Variants in CDH13 observed in about 807,000 individuals in gnomAD.
CDH13 encodes the protein cadherin 13.
CDH13 carries 24 observed loss-of-function variants against 63.8 expected under a neutral mutation model. The observed-to-expected ratio is 0.38, with a 90% CI of 0.27 to 0.53. CDH13 has a LOEUF of 0.53. Among genes scored for constraint, CDH13 ranks in the 20% least tolerant of loss-of-function variants. The probability of loss-of-function intolerance (pLI) is 0.85; values close to 1 mark genes in which losing one functional copy is unlikely to be tolerated. For synonymous variants in CDH13, 503 were observed against 355.3 expected (o/e 1.42, Z -4.67); for missense variants, 1,049 against 903.1 (o/e 1.16, Z -2.07).
intron 2 of CDH13, among the ~76,000 whole-genome samples, chr16:82,911,858 G>A (rs2041841941): frequency 6.6e-6 from 1 of 151,924 alleles, no homozygotes; most frequent in South Asian, 2.1e-4. Context: ...GTTTTGAGCT[G>A]AGGGCACCTG....
intron 5 of CDH13, among the ~76,000 whole-genome samples, chr16:83,236,139 C>G (rs74034441): frequency 0.014 from 2,056 of 152,078 alleles, 46 homozygotes; most frequent in African/African-American, 0.046. Flanking sequence ...AGTTTGTGGA[C>G]CTGAAAAGGA....
At chr16:83,470,269 C>T (rs2073421036) in intron 6 of CDH13, among the ~76,000 whole-genome samples, 1 of 152,132 alleles carries the variant, frequency 6.6e-6, no homozygotes, top group African/African-American at 2.4e-5. Context: ...GTTGCCCAGG[C>T]TAGTCTCGAA....
intron 6 of CDH13, among the ~76,000 whole-genome samples, chr16:83,444,404 C>T (rs2072602574): frequency 6.6e-6 from 1 of 152,166 alleles, no homozygotes; most frequent in Non-Finnish European, 1.5e-5. Flanking sequence ...GAAGTTTAAA[C>T]TCGGTAAGGA....
chr16:83,073,160 AG>A lies in CDH13; in HGVS notation c.366+40944del, dbSNP rs1335090215. ...CAACCTGAGAGACATGAAATTATCC[AG>A]GCAGGCTTGCGTGGCTAGTGATTGT... On this transcript the variant is annotated intron_variant, in intron 3 of 13. Coordinates refer to ENST00000567109, the MANE Select transcript of CDH13 (RefSeq NM_001257.5). Among the ~76,000 whole-genome samples the A allele has an allele frequency of 5.9e-5, 9 of 152,260 alleles. No individual in the cohort carries two copies. The East Asian group carries it at 1.5e-3, about 26-fold the overall frequency.
chr16:82,743,410 G>A (rs11646073), intron 1 of CDH13, among the ~76,000 whole-genome samples: 7,051 of 152,022 alleles, frequency 0.046, 252 homozygotes, highest in Non-Finnish European at 0.076. Flanking sequence ...GCATTTTTTT[G>A]TAGTGACAGG....
At chr16:82,961,161 C>T (rs1357566656) in intron 2 of CDH13, among the ~76,000 whole-genome samples, 2 of 152,310 alleles carry the variant, frequency 1.3e-5, no homozygotes, top group African/African-American at 4.8e-5. Flanking sequence ...TTCATCCCAG[C>T]TCACATTCCA....
At chr16:83,179,481 T>TAAA (rs565547312) in intron 4 of CDH13, among the ~76,000 whole-genome samples, 7 of 69,058 alleles carry the variant, frequency 1.0e-4, no homozygotes, top group Non-Finnish European at 1.7e-4. Flanking sequence ...CCGTCTCTAC[T>TAAA]AAAAAAAAAA....
intron 1 of CDH13, among the ~76,000 whole-genome samples, chr16:82,643,468 G>C (rs1909672846): frequency 6.6e-6 from 1 of 152,206 alleles, no homozygotes; most frequent in Non-Finnish European, 1.5e-5. Context: ...GGTAGTTTCA[G>C]GATTAAGACC....
intron 8 of CDH13, among the ~76,000 whole-genome samples, chr16:83,652,307 G>A (rs1411361577): frequency 6.6e-6 from 1 of 152,148 alleles, no homozygotes; most frequent in Non-Finnish European, 1.5e-5. Flanking sequence ...AAAGCAGAAG[G>A]TTTCTCTTGT....
At chr16:82,686,232 C>T (rs546341335) in intron 1 of CDH13, among the ~76,000 whole-genome samples, 5 of 152,310 alleles carry the variant, frequency 3.3e-5, no homozygotes, top group Admixed American at 2.6e-4. Context: ...GCAGAATACT[C>T]TTGAAAGTAA....
chr16:83,010,648 A>C (rs1914056019), intron 2 of CDH13, among the ~76,000 whole-genome samples: 1 of 152,164 alleles, frequency 6.6e-6, no homozygotes, highest in Non-Finnish European at 1.5e-5. Flanking sequence ...CTTGTGGGTG[A>C]ATCTGCTGCA....
chr16:83,309,420 G>A (rs967983677), intron 5 of CDH13, among the ~76,000 whole-genome samples: 3 of 151,992 alleles, frequency 2.0e-5, no homozygotes, highest in South Asian at 2.1e-4. Flanking sequence ...CTGTCACCCA[G>A]GCTGGAGTGC....
chr16:82,783,983 C>T (rs1050704117), intron 1 of CDH13, among the ~76,000 whole-genome samples: 4 of 152,094 alleles, frequency 2.6e-5, no homozygotes, highest in Non-Finnish European at 4.4e-5. Flanking sequence ...TTTCTTCTAC[C>T]TCCGCAGGCT....
intron 6 of CDH13, among the ~76,000 whole-genome samples, chr16:83,362,421 T>C (rs1355030637): frequency 6.6e-6 from 1 of 152,262 alleles, no homozygotes; most frequent in Non-Finnish European, 1.5e-5. Flanking sequence ...TAGACACCTT[T>C]TGTCTTTATC....
intron 1 of CDH13, among the ~76,000 whole-genome samples, chr16:82,787,825 G>C (rs1393201935): frequency 1.2e-4 from 1 of 8,012 alleles, no homozygotes; most frequent in Non-Finnish European, 4.8e-4. Flanking sequence ...CTGTATGGAG[G>C]GGGGTGAAGG....
intron 1 of CDH13, among the ~76,000 whole-genome samples, chr16:82,656,694 A>C (rs895077746): frequency 1.2e-4 from 18 of 152,150 alleles, no homozygotes; most frequent in Non-Finnish European, 2.9e-5. Context: ...TATCACACAG[A>C]ATAGTTGTAC....
intron 5 of CDH13, among the ~76,000 whole-genome samples, chr16:83,245,240 C>G (rs1183743635): frequency 6.6e-6 from 1 of 152,216 alleles, no homozygotes; most frequent in South Asian, 2.1e-4. Context: ...CCACCCCCCA[C>G]TGTACATCTT....
chr16:83,537,947 G>A (rs1409112214), intron 7 of CDH13, among the ~76,000 whole-genome samples: 1 of 152,100 alleles, frequency 6.6e-6, no homozygotes, highest in Admixed American at 6.5e-5. Context: ...GTCTAAATGG[G>A]GGAAGTCTGT....
At chr16:83,464,015 A>G (rs937806843) in intron 6 of CDH13, among the ~76,000 whole-genome samples, 2 of 152,158 alleles carry the variant, frequency 1.3e-5, no homozygotes, top group Non-Finnish European at 2.9e-5. Context: ...AGGGTGAGAA[A>G]GAAACATCAG....
Sources: allele counts gnomAD v4.1 joint callset (sites outside exome capture counted in the v4.1 genomes callset), GRCh38; gene constraint gnomAD v4.1.1; transcripts MANE v1.5; gene names NCBI Gene and HGNC (gene_info 2026-07-23, HGNC 2026-07-21).